The following KYAT1 variants were observed in gnomAD, a reference collection of about 807,000 sequenced individuals.
KYAT1 encodes the protein kynurenine--oxoglutarate transaminase 1.
Under a neutral mutation model 52.4 loss-of-function variants are expected in KYAT1, and 47 were observed. That is an observed-to-expected ratio of 0.90 (90% CI 0.71 to 1.14). KYAT1 has a LOEUF of 1.14. Among genes scored for constraint, KYAT1 ranks in the 50% most tolerant of loss-of-function variants. KYAT1 has a pLI of 0.00. For synonymous variants in KYAT1, 212 were observed against 209.6 expected (o/e 1.01, Z -0.10); for missense variants, 480 against 557.9 (o/e 0.86, Z 1.41).
chr9:128,848,898 C>T (rs1014833455), intron 1 of KYAT1, among the ~76,000 whole-genome samples: 3 of 148,442 alleles, frequency 2.0e-5, no homozygotes, highest in East Asian at 2.0e-4. Context: ...GAGGCCAAGG[C>T]GGGAGGATCA....
In KYAT1 at chr9:128,838,829, A is replaced by G. The variant is rs182028605; in HGVS notation, c.202-462T>C. On this transcript the variant is annotated intron_variant, in intron 3 of 12. Coordinates refer to ENST00000302586, the MANE Select transcript of KYAT1 (RefSeq NM_004059.5). ...GGAAGTGCTTGCCTCCATGAACCTC[A>G]GTCCAAGAGCCCACAAGGCAGTAGA... is the stretch of plus-strand genomic sequence containing the variant. Among the ~76,000 whole-genome samples, 24 of 152,322 alleles carry G rather than the reference A, an allele frequency of 1.6e-4. No homozygotes were observed. The East Asian group carries it at 3.3e-3, about 21-fold the overall frequency.
At chr9:128,848,318 C>CAAAAA (rs56157823) in intron 1 of KYAT1, among the ~76,000 whole-genome samples, 64 of 73,470 alleles carry the variant, frequency 8.7e-4, no homozygotes, top group East Asian at 1.5e-3. Context: ...AGATATGTCT[C>CAAAAA]AAAAAAAAAA....
chr9:128,846,558 C>T, intron 1 of KYAT1: 1 of 654,556 alleles, frequency 1.5e-6, no homozygotes, highest in Non-Finnish European at 2.5e-6. Context: ...AAGATCGTGC[C>T]AGCCACTGCA....
intron 1 of KYAT1, among the ~76,000 whole-genome samples, chr9:128,878,293 C>T (rs1282121304): frequency 6.6e-6 from 1 of 152,122 alleles, no homozygotes; most frequent in Non-Finnish European, 1.5e-5. Context: ...TGCCACCACA[C>T]CCAGCTAATT....
intron 1 of KYAT1, among the ~76,000 whole-genome samples, chr9:128,867,790 T>C (rs1171981582): frequency 6.6e-6 from 1 of 152,276 alleles, no homozygotes; most frequent in African/African-American, 2.4e-5. Flanking sequence ...TTTGTTTGTT[T>C]GAGACGGAGT....
At chr9:128,877,227 T>G (rs1838172011) in intron 1 of KYAT1, among the ~76,000 whole-genome samples, 1 of 152,046 alleles carries the variant, frequency 6.6e-6, no homozygotes, top group African/African-American at 2.4e-5. Context: ...ATGTTGCCCA[T>G]CTTCACTCAA....
At chr9:128,867,448 G>A (rs879620135) in intron 1 of KYAT1, among the ~76,000 whole-genome samples, 2 of 152,072 alleles carry the variant, frequency 1.3e-5, no homozygotes, top group Admixed American at 1.3e-4. Flanking sequence ...CAAAGTGCTG[G>A]GATTACAGGT....
chr9:128,863,347 T>C (rs998997864), intron 1 of KYAT1, among the ~76,000 whole-genome samples: 31 of 151,728 alleles, frequency 2.0e-4, no homozygotes, highest in Admixed American at 1.6e-3. Context: ...TAATAATTCA[T>C]GGAGGCTGGG....
At chr9:128,870,322 C>T (rs1263843133) in intron 1 of KYAT1, among the ~76,000 whole-genome samples, 1 of 152,130 alleles carries the variant, frequency 6.6e-6, no homozygotes, top group South Asian at 2.1e-4. Flanking sequence ...TATGTGCTGA[C>T]ACATGCTGTA....
intron 1 of KYAT1, among the ~76,000 whole-genome samples, chr9:128,871,014 A>C (rs978263279): frequency 3.3e-5 from 5 of 151,990 alleles, no homozygotes; most frequent in African/African-American, 1.2e-4. Context: ...ACCCATTTAC[A>C]TTTTTTAAAT....
In KYAT1 at chr9:128,833,411, C is replaced by T. The variant is rs1830447636; in HGVS notation, c.*173G>A. ...CCTTTCAGACAGGAGGCACTTGGTT[C>T]TCTAAGATGAAGAAGGGCGGCTCCC... On this transcript the variant is annotated 3_prime_UTR_variant, in exon 13 of 13. Transcript: ENST00000302586. 2 of 692,948 alleles carry T rather than the reference C, an allele frequency of 2.9e-6. No homozygotes were observed. The highest frequency in any genetic ancestry group is 2.7e-5 in the East Asian group (1 of 37,018). The allele number at this position is 692,948 out of a possible 1,614,324, so 42.9% of individuals were successfully genotyped here.
chr9:128,874,551 T>C (rs999729320), intron 1 of KYAT1, among the ~76,000 whole-genome samples: 5 of 151,594 alleles, frequency 3.3e-5, no homozygotes, highest in African/African-American at 1.2e-4. Flanking sequence ...CATCAAGCAA[T>C]CATCCTGCCT....
chr9:128,871,867 C>CCTGT (rs1289552359), intron 1 of KYAT1, among the ~76,000 whole-genome samples: 4 of 152,152 alleles, frequency 2.6e-5, no homozygotes, highest in African/African-American at 4.8e-5. Context: ...GTGGCTCATG[C>CCTGT]CTGTAATCCC....
intron 3 of KYAT1, among the ~76,000 whole-genome samples, chr9:128,841,557 G>A (rs544488015): frequency 9.2e-5 from 14 of 151,474 alleles, no homozygotes; most frequent in South Asian, 4.2e-4. Context: ...TTAGCTGGGC[G>A]TGGGGGCGCA....
chr9:128,851,299 A>G (rs1833927659), intron 1 of KYAT1, among the ~76,000 whole-genome samples: 1 of 152,150 alleles, frequency 6.6e-6, no homozygotes. Flanking sequence ...GTGAGTATTG[A>G]GGACAGCTGA....
Position 128,835,584 on chromosome 9 carries a change from C to T in KYAT1, c.939G>A (p.Met313Ile), listed in dbSNP as rs946351344. The change falls in exon 10 of 13, where the codon ATG becomes ATA. Residue 313 changes from methionine to isoleucine, a missense_variant. Physicochemically the swap from Met to Ile is conservative, Grantham distance 10 (BLOSUM62 1). Transcript: ENST00000302586. ...SSYFVQFPQA[M>I]QRCRDHMIRS... Reference sequence around the variant, plus strand: ...GTATCATGTGGTCACGGCAGCGCTGCATGGCCTGCGGGAACTGCACAAAGT... The same window carrying T: ...GTATCATGTGGTCACGGCAGCGCTGTATGGCCTGCGGGAACTGCACAAAGT... The T allele has an allele frequency of 1.2e-6, 2 of 1,613,154 alleles. No homozygotes were observed. Among genetic ancestry groups the T allele is most frequent in the African/African-American group, 1.3e-5 (1 of 74,934 alleles).
At chr9:128,847,141 G>A (rs1418376323) in intron 1 of KYAT1, among the ~76,000 whole-genome samples, 4 of 152,150 alleles carry the variant, frequency 2.6e-5, no homozygotes, top group Admixed American at 6.5e-5. Context: ...GAACCCCACC[G>A]CGCCTGGCTC....
At chr9:128,872,951 C>A (rs1007360630) in intron 1 of KYAT1, among the ~76,000 whole-genome samples, 46 of 151,572 alleles carry the variant, frequency 3.0e-4, no homozygotes, top group Non-Finnish European at 2.9e-5. Context: ...TGGCATGTGC[C>A]TGTAATCGCA....
Position 128,876,406 on chromosome 9 carries a change from G to GT in KYAT1, c.-7+5490dup, listed in dbSNP as rs1490341638. On this transcript the variant is annotated intron_variant, in intron 1 of 12. Transcript: ENST00000302586. ...GAGACACCACACCCAGTCATCCTTT[G>GT]TTCTTTTTTTTTTTTTTTTTTCTGT... is the stretch of plus-strand genomic sequence containing the variant. Among the ~76,000 whole-genome samples, 8 of 113,188 alleles carry GT rather than the reference G, an allele frequency of 7.1e-5. 1 individual carries two copies. 74.3% of individuals were successfully genotyped at this position (113,188 alleles called of 152,430 possible).
Sources: gnomAD v4.1 joint callset for allele counts (sites outside exome capture counted in the v4.1 genomes callset) on GRCh38, gnomAD v4.1.1 for gene constraint, MANE v1.5 for transcripts, NCBI Gene and HGNC (gene_info 2026-07-23, HGNC 2026-07-21) for gene names.